Variants in RGL1 observed in about 807,000 individuals in gnomAD.
RGL1 encodes ral guanine nucleotide dissociation stimulator-like 1.
Under a neutral mutation model 95.2 loss-of-function variants are expected in RGL1, and 24 were observed. That is an observed-to-expected ratio of 0.25 (90% CI 0.18 to 0.35). The LOEUF is 0.35. RGL1 is among the 10% of genes least tolerant of loss of function. The probability of loss-of-function intolerance (pLI) is 1.00; values close to 1 mark genes in which losing one functional copy is unlikely to be tolerated. For missense variants in RGL1, 715 were observed against 936.3 expected (o/e 0.76, Z 3.08); for synonymous variants, 329 against 344.9 (o/e 0.95, Z 0.51).
chr1:183,654,187 T>C (rs1463529418), intron 1 of RGL1, among the ~76,000 whole-genome samples: 1 of 152,210 alleles, frequency 6.6e-6, no homozygotes, highest in Admixed American at 6.5e-5. Flanking sequence ...AGAGTGCTCC[T>C]ACTAGACGAG....
chr1:183,658,410 C>T (rs546238322), intron 1 of RGL1, among the ~76,000 whole-genome samples: 5 of 152,206 alleles, frequency 3.3e-5, no homozygotes, highest in Admixed American at 6.5e-5. Flanking sequence ...GATTATGTCC[C>T]GCACCTGGCT....
At position 183,770,429 on chromosome 1, in the gene RGL1, G is replaced by A. The variant is rs181050399; in HGVS notation, c.132+28140G>A. On this transcript the variant is annotated intron_variant, in intron 2 of 18. Coordinates refer to the RGL1 transcript ENST00000304685. ...CTCCTGGCCCATGCATTCCCAATAAGGGAACCAAAATCTGTTACCAAAACA... is the reference window on the plus strand; with the variant it reads ...CTCCTGGCCCATGCATTCCCAATAAAGGAACCAAAATCTGTTACCAAAACA... Among the ~76,000 whole-genome samples, 7 of 152,266 alleles carry A rather than the reference G, an allele frequency of 4.6e-5. No individual in the cohort carries two copies. The East Asian group carries it at 7.7e-4, about 17-fold the overall frequency.
At chr1:183,876,195 C>G (rs1459673106) in intron 4 of RGL1, among the ~76,000 whole-genome samples, 1 of 152,190 alleles carries the variant, frequency 6.6e-6, no homozygotes, top group Non-Finnish European at 1.5e-5. Context: ...GTTTTTGTGA[C>G]TCTGGGAAAT....
chr1:183,898,945 G>A (rs1184839974), intron 10 of RGL1, among the ~76,000 whole-genome samples: 1 of 152,198 alleles, frequency 6.6e-6, no homozygotes, highest in Middle Eastern at 3.2e-3. Context: ...ATGAGATTTA[G>A]GATAAGGGAT....
chr1:183,885,768 A>G (rs1667073315), intron 7 of RGL1, among the ~76,000 whole-genome samples: 1 of 152,198 alleles, frequency 6.6e-6, no homozygotes, highest in East Asian at 1.9e-4. Flanking sequence ...GCTAAGATAT[A>G]CTGGAATTAT....
chr1:183,756,128 A>T (rs537065757), intron 2 of RGL1, among the ~76,000 whole-genome samples: 16 of 150,828 alleles, frequency 1.1e-4, no homozygotes, highest in African/African-American at 3.9e-4. Context: ...CAGGTGAACC[A>T]CCCGTCTCGG....
At chr1:183,639,850 CT>C (rs565590844) in intron 1 of RGL1, among the ~76,000 whole-genome samples, 96 of 146,116 alleles carry the variant, frequency 6.6e-4, no homozygotes, top group Middle Eastern at 3.5e-3. Context: ...TTCTTTTTTT[CT>C]TTTTTTTTTT....
intron 1 of RGL1, among the ~76,000 whole-genome samples, chr1:183,735,437 T>C (rs1258250087): frequency 6.6e-6 from 1 of 152,186 alleles, no homozygotes; most frequent in African/African-American, 2.4e-5. Context: ...AAAAGGGTGA[T>C]GGAGTTTTGT....
At chr1:183,673,024 G>A (rs1652576423) in intron 1 of RGL1, among the ~76,000 whole-genome samples, 1 of 152,180 alleles carries the variant, frequency 6.6e-6, no homozygotes, top group African/African-American at 2.4e-5. Context: ...GCATCCATTA[G>A]CTATTCTTCC....
At chr1:183,841,973 CA>C (rs2102519901) in intron 2 of RGL1, among the ~76,000 whole-genome samples, 1 of 152,168 alleles carries the variant, frequency 6.6e-6, no homozygotes, top group South Asian at 2.1e-4. Flanking sequence ...TTCTGAAATC[CA>C]AACCACTTTC....
chr1:183,847,715 T>C lies in RGL1; in HGVS notation c.288T>C (p.Phe96=). 1 of 1,614,126 alleles carries C rather than the reference T, an allele frequency of 6.2e-7. No individual in the cohort carries two copies. Among genetic ancestry groups the C allele is most frequent in the Non-Finnish European group, 8.5e-7 (1 of 1,179,968 alleles). Reference sequence around the variant, plus strand: ...ATGACTTTACCTATATCAGCATCTTTCTTTCAACGTACAGAGGCTTTGCCT... The same window carrying C: ...ATGACTTTACCTATATCAGCATCTTCCTTTCAACGTACAGAGGCTTTGCCT... The part of the protein sequence containing the change: ...GDNDFTYISI[F]LSTYRGFAST... The change falls in exon 3 of 18, where the codon TTT becomes TTC. Residue 96 remains phenylalanine (F), a synonymous_variant. Coordinates refer to ENST00000360851, the MANE Select transcript of RGL1 (RefSeq NM_001297671.3).
intron 2 of RGL1, among the ~76,000 whole-genome samples, chr1:183,752,989 T>G (rs1305574537): frequency 6.6e-6 from 1 of 152,166 alleles, no homozygotes; most frequent in East Asian, 1.9e-4. Flanking sequence ...TTTAACATTT[T>G]GGGGTACGAG....
At chr1:183,681,240 C>T (rs564214849) in intron 1 of RGL1, among the ~76,000 whole-genome samples, 1 of 152,240 alleles carries the variant, frequency 6.6e-6, no homozygotes, top group South Asian at 2.1e-4. Flanking sequence ...AGAGGGCATC[C>T]TTGTCTTGTG....
chr1:183,638,257 C>G lies in RGL1; in HGVS notation c.-33+1756C>G, dbSNP rs538488568. On this transcript the variant is annotated intron_variant, in intron 1 of 18. Transcript: ENST00000304685. Reference sequence around the variant, plus strand: ...TATTTTGATTGCTCAGAATTTTGCTCTATATGTTTAATGTGTTAAATGTAA... The same window carrying G: ...TATTTTGATTGCTCAGAATTTTGCTGTATATGTTTAATGTGTTAAATGTAA... Among the ~76,000 whole-genome samples, 31 of 152,232 alleles carry G rather than the reference C, an allele frequency of 2.0e-4. 1 individual carries two copies. In the South Asian group the frequency reaches 5.0e-3, roughly 24 times the overall value.
At chr1:183,858,474 G>T (rs1474806953) in intron 3 of RGL1, among the ~76,000 whole-genome samples, 1 of 152,116 alleles carries the variant, frequency 6.6e-6, no homozygotes, top group Non-Finnish European at 1.5e-5. Context: ...TGAGAGGTGG[G>T]CACTGATCCT....
intron 4 of RGL1, among the ~76,000 whole-genome samples, chr1:183,870,210 A>C (rs902185481): frequency 6.6e-6 from 1 of 152,094 alleles, no homozygotes; most frequent in East Asian, 1.9e-4. Context: ...CTCTGTAAAC[A>C]GGAAGTGTCC....
At chr1:183,652,348 T>G (rs1650822429) in intron 1 of RGL1, among the ~76,000 whole-genome samples, 1 of 152,186 alleles carries the variant, frequency 6.6e-6, no homozygotes, top group Non-Finnish European at 1.5e-5. Flanking sequence ...CTTTAACACA[T>G]AGTGGAGGGA....
At chr1:183,722,606 G>A (rs1656074389) in intron 1 of RGL1, among the ~76,000 whole-genome samples, 1 of 152,068 alleles carries the variant, frequency 6.6e-6, no homozygotes, top group African/African-American at 2.4e-5. Context: ...ATTCCATACA[G>A]GGAACAACAT....
At chr1:183,663,393 G>T (rs1343708364) in intron 1 of RGL1, among the ~76,000 whole-genome samples, 1 of 151,886 alleles carries the variant, frequency 6.6e-6, no homozygotes, top group Non-Finnish European at 1.5e-5. Flanking sequence ...CCATCAAAAA[G>T]TGGACGAAGG....
Sources: gnomAD v4.1 joint callset for allele counts (sites outside exome capture counted in the v4.1 genomes callset) on GRCh38, gnomAD v4.1.1 for gene constraint, MANE v1.5 for transcripts, NCBI Gene and HGNC (gene_info 2026-07-23, HGNC 2026-07-21) for gene names.